OSBP: variants seen among roughly 807,000 people sequenced by gnomAD.
The protein encoded by OSBP is oxysterol binding protein.
A neutral mutation model predicts 96.6 loss-of-function variants in OSBP; 32 were observed. That is an observed-to-expected ratio of 0.33 (90% CI 0.25 to 0.45). The LOEUF (loss-of-function observed/expected upper bound fraction) is 0.45, where lower values mean the gene tolerates loss of function less well. OSBP is among the 20% of genes least tolerant of loss of function. OSBP has a pLI of 1.00. For missense variants in OSBP, 653 were observed against 1,029.7 expected (o/e 0.63, Z 5.01); for synonymous variants, 369 against 389.6 (o/e 0.95, Z 0.62).
chr11:59,603,280 TAATA>T (rs1456675774), intron 3 of OSBP, among the ~76,000 whole-genome samples: 5 of 152,290 alleles, frequency 3.3e-5, no homozygotes, highest in South Asian at 4.1e-4. Flanking sequence ...AAAGTTTGCT[TAATA>T]AATAAATAAA....
chr11:59,601,439 G>T, intron 4 of OSBP, 54 bp from the exon 5 acceptor site: 1 of 1,341,734 alleles, frequency 7.5e-7, no homozygotes, highest in Non-Finnish European at 1.1e-6. Flanking sequence ...CCAAATGTCT[G>T]ATATAGCAAG....
chr11:59,602,839 C>T (rs1860739001), intron 3 of OSBP, among the ~76,000 whole-genome samples: 1 of 152,196 alleles, frequency 6.6e-6, no homozygotes, highest in African/African-American at 2.4e-5. Context: ...AGACTAGTAT[C>T]GAACTCACGG....
Position 59,608,613 on chromosome 11 carries a change from A to G in OSBP, c.693T>C (p.His231=), listed in dbSNP as rs200597145. ...TGAGAGAACGCTGCAGAGCTGTGCCATGCTTAGCTATCAAGTCATTGCACG... is the reference window on the plus strand; with the variant it reads ...TGAGAGAACGCTGCAGAGCTGTGCCGTGCTTAGCTATCAAGTCATTGCACG... ...LSTCNDLIAK[H]GTALQRSLSE... is the part of the protein sequence containing the mutation. Residue 231 remains histidine (H), a synonymous_variant, in exon 3 of 14, where the codon CAT becomes CAC. Transcript: ENST00000263847. 20 of 1,614,168 alleles carry G rather than the reference A, an allele frequency of 1.2e-5. No individual in the cohort carries two copies. The Admixed American group carries it at 2.7e-4, about 22-fold the overall frequency.
chr11:59,584,663 T>C (rs957317756), intron 9 of OSBP, among the ~76,000 whole-genome samples: 1 of 152,146 alleles, frequency 6.6e-6, no homozygotes, highest in Non-Finnish European at 1.5e-5. Context: ...AAGCCACATA[T>C]GAAAACCCCA....
At position 59,578,819 on chromosome 11, in the gene OSBP, A is replaced by C. The variant is rs113203401; in HGVS notation, c.1879-489T>G. Among the ~76,000 whole-genome samples, 878 of 152,182 alleles carry C rather than the reference A, an allele frequency of 5.8e-3. 4 individuals carry two copies. Among genetic ancestry groups the C allele is most frequent in the African/African-American group, 0.02 (827 of 41,512 alleles). ...TGAGCCATGACTTGGGGATTTCATTATCATTTTTTGTTATATGGGGATTTT... is the reference window on the plus strand; with the variant it reads ...TGAGCCATGACTTGGGGATTTCATTCTCATTTTTTGTTATATGGGGATTTT... On this transcript the variant is annotated intron_variant, in intron 11 of 13. Coordinates refer to ENST00000263847, the MANE Select transcript of OSBP (RefSeq NM_002556.3).
chr11:59,605,843 T>C (rs114970362), intron 3 of OSBP, among the ~76,000 whole-genome samples: 5,703 of 152,288 alleles, frequency 0.037, 142 homozygotes, highest in Non-Finnish European at 0.043. Flanking sequence ...AGATAAGGAA[T>C]TGATGTCACA....
intron 9 of OSBP, among the ~76,000 whole-genome samples, chr11:59,586,269 C>G (rs2134657194): frequency 6.6e-6 from 1 of 151,388 alleles, no homozygotes; most frequent in Non-Finnish European, 1.5e-5. Context: ...AGGTGCATTT[C>G]TATTATACAT....
chr11:59,596,852 G>C (rs896978880), intron 7 of OSBP, among the ~76,000 whole-genome samples: 1 of 152,148 alleles, frequency 6.6e-6, no homozygotes, highest in Non-Finnish European at 1.5e-5. Context: ...TCTTGCATTA[G>C]TGAAGCCCAG....
chr11:59,601,234 T>A, intron 5 of OSBP, 49 bp downstream of exon 5: 2 of 1,018,162 alleles, frequency 2.0e-6, no homozygotes, highest in South Asian at 1.3e-5. Context: ...TACCACCATA[T>A]TGATGGTGAA....
intron 9 of OSBP, among the ~76,000 whole-genome samples, chr11:59,584,534 G>A (rs774480969): frequency 2.2e-4 from 34 of 151,972 alleles, no homozygotes; most frequent in African/African-American, 6.5e-4. Flanking sequence ...AATGAAGGGC[G>A]AAAAAACACA....
At chr11:59,615,276 G>A in intron 1 of OSBP, 27 bp downstream of exon 1, 2 of 1,567,894 alleles carry the variant, frequency 1.3e-6, no homozygotes, top group East Asian at 2.3e-5. Context: ...GAGGCAAGGT[G>A]AGCGACAGCG....
intron 2 of OSBP, 97 bp downstream of exon 2, chr11:59,610,284 T>A: frequency 9.9e-7 from 1 of 1,012,428 alleles, no homozygotes; most frequent in Non-Finnish European, 1.6e-6. Flanking sequence ...AGGAAATAGG[T>A]GATAATCAAA....
chr11:59,576,548 A>G lies in OSBP; in HGVS notation c.*29T>C. The G allele has an allele frequency of 6.2e-7, 1 of 1,607,820 alleles. No individual in the cohort carries two copies. Among genetic ancestry groups the G allele is most frequent in the Non-Finnish European group, 8.5e-7 (1 of 1,177,204 alleles). On this transcript the variant is annotated 3_prime_UTR_variant, in exon 14 of 14. Coordinates refer to ENST00000263847, the MANE Select transcript of OSBP (RefSeq NM_002556.3). ...CACATCCTCTGTCCTCTTCTCCATT[A>G]TATGCTCCTCTTTTTTGTTACTGCC...
At chr11:59,604,448 T>A (rs1860755403) in intron 3 of OSBP, among the ~76,000 whole-genome samples, 1 of 152,098 alleles carries the variant, frequency 6.6e-6, no homozygotes, top group Admixed American at 6.6e-5. Flanking sequence ...ACACCTTTAA[T>A]CCCAGCACTT....
At chr11:59,583,638 T>TG (rs1565114517) in intron 9 of OSBP, among the ~76,000 whole-genome samples, 4 of 132,098 alleles carry the variant, frequency 3.0e-5, no homozygotes, top group African/African-American at 6.3e-5. Context: ...ATCTCTGTTT[T>TG]TTTTTTTTTT....
chr11:59,613,764 C>T lies in OSBP; in HGVS notation c.362+1539G>A, dbSNP rs574143762. On this transcript the variant is annotated intron_variant, in intron 1 of 13. Coordinates refer to ENST00000263847, the MANE Select transcript of OSBP (RefSeq NM_002556.3). ...AATGCAAATGAAATATACAATTATT[C>T]ACAACTGTTGATTAAGCAGTGAGGA... Among the ~76,000 whole-genome samples the T allele has an allele frequency of 3.3e-5, 5 of 152,276 alleles. 1 individual carries two copies. In the East Asian group the frequency reaches 9.6e-4, roughly 29 times the overall value.
Position 59,608,682 on chromosome 11 carries a change from C to G in OSBP, c.624G>C (p.Gln208His), listed in dbSNP as rs568879919. The G allele has an allele frequency of 1.2e-6, 2 of 1,614,062 alleles. No homozygotes were observed. The highest frequency in any genetic ancestry group is 2.7e-5 in the African/African-American group (2 of 75,042). The change falls in exon 3 of 14, where the codon CAG becomes CAC. Residue 208 changes from glutamine to histidine, a missense_variant. This residue lies in a region of OSBP where 308 missense variants were observed against 573.1 expected (regional missense o/e 0.54). Coordinates refer to ENST00000263847, the MANE Select transcript of OSBP (RefSeq NM_002556.3). Reference sequence around the variant, plus strand: ...TGCTAGAGAGGGTCCGAAGGGTATTCTGCAGCTCAGTCTTGTCAGTTTGTG... The same window carrying G: ...TGCTAGAGAGGGTCCGAAGGGTATTGTGCAGCTCAGTCTTGTCAGTTTGTG... ...SVSQTDKTEL[Q>H]NTLRTLSSKV... is the part of the protein sequence containing the mutation.
chr11:59,580,049 A>G (rs1461459344), intron 11 of OSBP, 125 bp downstream of exon 11: 2 of 726,402 alleles, frequency 2.8e-6, no homozygotes, highest in Non-Finnish European at 4.9e-6. Context: ...ATATGTACAC[A>G]TACACTATAT....
rs576548697 is a variant in OSBP at position 59,613,934 on chromosome 11, C to T, written c.362+1369G>A. Among the ~76,000 whole-genome samples the T allele has an allele frequency of 1.1e-4, 17 of 152,220 alleles. No individual in the cohort carries two copies. The South Asian group carries it at 2.7e-3, about 24-fold the overall frequency. ...TTGATGGAAAAGAGACTTGTTCAGC[C>T]TAACTCTCTGGGTAGCAGAATGATT... On this transcript the variant is annotated intron_variant, in intron 1 of 13. Transcript: ENST00000263847.
Sources: gnomAD v4.1 joint callset for allele counts (sites outside exome capture counted in the v4.1 genomes callset) on GRCh38, gnomAD v4.1.1 for gene constraint, gnomAD v4.1.1 regional missense constraint, MANE v1.5 for transcripts, NCBI Gene and HGNC (gene_info 2026-07-23, HGNC 2026-07-21) for gene names.